The following UGT2B28 variants were observed in gnomAD, a reference collection of about 807,000 sequenced individuals.
UGT2B28 encodes UDP glucuronosyltransferase family 2 member B28.
Under a neutral mutation model 43.6 loss-of-function variants are expected in UGT2B28, and 45 were observed. That is an observed-to-expected ratio of 1.03 (90% CI 0.81 to 1.32). The LOEUF (loss-of-function observed/expected upper bound fraction) is 1.32, where lower values mean the gene tolerates loss of function less well. Among genes scored for constraint, UGT2B28 ranks in the 40% most tolerant of loss-of-function variants. UGT2B28 has a pLI of 0.00. For synonymous variants in UGT2B28, 204 were observed against 208.1 expected (o/e 0.98, Z 0.17); for missense variants, 649 against 625.5 (o/e 1.04, Z -0.40).
chr4:69,280,948 G>A lies in UGT2B28; in HGVS notation c.448G>A (p.Ala150Thr). 1 of 1,560,228 alleles carries A rather than the reference G, an allele frequency of 6.4e-7. No individual in the cohort carries two copies. Among genetic ancestry groups the A allele is most frequent in the Non-Finnish European group, 8.7e-7 (1 of 1,155,748 alleles). Reference sequence around the variant, plus strand: ...AGAGTCAAGATTTGACATCATTTTTGCAGATGCTTTTTTTCCTTGTGGTGA... The same window carrying A: ...AGAGTCAAGATTTGACATCATTTTTACAGATGCTTTTTTTCCTTGTGGTGA... ...LQESRFDIIF[A>T]DAFFPCGELL... Residue 150 changes from alanine (A) to threonine (T), a missense_variant, in exon 1 of 6, where the codon GCA (alanine) becomes ACA (threonine). Physicochemically the swap from Ala to Thr is moderately conservative, Grantham distance 58 (BLOSUM62 0). Transcript: ENST00000335568.
At position 69,280,638 on chromosome 4, in the gene UGT2B28, T is replaced by A. The variant is rs535572861; in HGVS notation, c.138T>A (p.Leu46=). The A allele has an allele frequency of 6.4e-7, 1 of 1,561,436 alleles. No homozygotes were observed. Among genetic ancestry groups the A allele is most frequent in the South Asian group, 1.2e-5 (1 of 84,448 alleles). ...ATATGAAGACAATCCTGAAAGAGCTTGTTCAGAGAGGTCATGAGGTGACTG... is the reference window on the plus strand; with the variant it reads ...ATATGAAGACAATCCTGAAAGAGCTAGTTCAGAGAGGTCATGAGGTGACTG... ...WMNMKTILKE[L]VQRGHEVTVL... The change falls in exon 1 of 6, where the codon CTT becomes CTA. Residue 46 remains leucine (L), a synonymous_variant. Coordinates refer to ENST00000335568, the MANE Select transcript of UGT2B28 (RefSeq NM_053039.2).
rs1723810569 is a variant in UGT2B28 at position 69,287,392 on chromosome 4, T to C, written c.1002+509T>C. Among the ~76,000 whole-genome samples the C allele has an allele frequency of 1.4e-5, 2 of 140,562 alleles. 1 individual carries two copies. The highest frequency in any genetic ancestry group is 3.0e-5 in the Non-Finnish European group (2 of 65,756). 92.2% of individuals were successfully genotyped at this position (140,562 alleles called of 152,430 possible). ...CCTAATCTCAGCAGTATCTAATGAG[T>C]GAAGAAGATTTGACTTACTCTTGGA... On this transcript the variant is annotated intron_variant, in intron 3 of 5. Transcript: ENST00000335568.
chr4:69,294,257 A>T (rs574527471), intron 5 of UGT2B28, among the ~76,000 whole-genome samples: 1 of 137,658 alleles, frequency 7.3e-6, no homozygotes, highest in South Asian at 2.5e-4. Context: ...AAGAATTAAA[A>T]ACAATTAAAA....
At position 69,290,092 on chromosome 4, in the gene UGT2B28, A is replaced by G. The variant is rs1388439345; in HGVS notation, c.1090+340A>G. On this transcript the variant is annotated intron_variant, in intron 4 of 5. Transcript: ENST00000335568. The stretch of plus-strand genomic sequence containing the variant: ...CTCCTGCAGGTTTATTTCAAATGCC[A>G]GTAAATATAATAGCTCTTCTATCAC... Among the ~76,000 whole-genome samples the G allele has an allele frequency of 1.4e-5, 2 of 140,100 alleles. 1 individual carries two copies. The highest frequency in any genetic ancestry group is 5.6e-5 in the African/African-American group (2 of 35,666). The allele number at this position is 140,100 out of a possible 152,430, so 91.9% of individuals were successfully genotyped here.
chr4:69,294,427 T>A (rs1724043263), intron 5 of UGT2B28, 103 bp from the exon 6 acceptor site: 1 of 1,167,306 alleles, frequency 8.6e-7, no homozygotes, highest in African/African-American at 1.8e-5. Context: ...TTCTTTCAAA[T>A]TTACTTTGAA....
rs1438834203 is a variant in UGT2B28, at chr4:69,282,621, G to C, written c.829G>C (p.Val277Leu). ...PHPFLPNIDF[V>L]GGLHCKPAKP... is the part of the protein sequence containing the mutation. ...TCCATTCTTACCAAACATTGATTTT[G>C]TTGGAGGACTCCACTGCAAACCTGC... is the stretch of plus-strand genomic sequence containing the variant. The change falls in exon 2 of 6, where the codon GTT becomes CTT. Residue 277 changes from valine (V) to leucine (L), a missense_variant. By Grantham distance (32) the Val-to-Leu change is conservative. Transcript: ENST00000335568. 7 of 1,553,534 alleles carry C rather than the reference G, an allele frequency of 4.5e-6. 1 individual carries two copies. Among genetic ancestry groups the C allele is most frequent in the Non-Finnish European group, 5.2e-6 (6 of 1,152,894 alleles).
intron 1 of UGT2B28, among the ~76,000 whole-genome samples, chr4:69,281,777 C>A (rs1723618532): frequency 7.1e-6 from 1 of 140,132 alleles, no homozygotes; most frequent in African/African-American, 2.8e-5. Flanking sequence ...TATACTCCTT[C>A]ACTAAAGAAT....
In UGT2B28 at chr4:69,281,294, C is replaced by T; in HGVS notation, c.721+73C>T. ...CTTTGAAGCAGAGCTTATATAAAGC[C>T]ATAAAGTCAGGGAAGTGGAGTTTTT... is the stretch of plus-strand genomic sequence containing the variant. On this transcript the variant is annotated intron_variant, in intron 1 of 5. Coordinates refer to ENST00000335568, the MANE Select transcript of UGT2B28 (RefSeq NM_053039.2). The T allele has an allele frequency of 2.2e-6, 3 of 1,394,066 alleles. 1 individual carries two copies. Among genetic ancestry groups the T allele is most frequent in the Admixed American group, 2.6e-5 (1 of 38,536 alleles). 86.4% of individuals were successfully genotyped at this position (1,394,066 alleles called of 1,614,324 possible). A position where few individuals can be genotyped will look rare whatever the true frequency, so the allele number is the denominator to read the frequency against.
At position 69,284,600 on chromosome 4, in the gene UGT2B28, G is replaced by A. The variant is rs1328426256; in HGVS notation, c.870+1938G>A. On this transcript the variant is annotated intron_variant, in intron 2 of 5. Transcript: ENST00000335568. ...ATTCACATTAAGGGAAACTGACAGT[G>A]CAAATTGGAGGAGGAAGAGAGTAGG... 2.1e-5 allele frequency among the ~76,000 whole-genome samples: 3 copies of A among 139,718 alleles called. 1 individual carries two copies. Among genetic ancestry groups the A allele is most frequent in the Admixed American group, 1.4e-4 (2 of 13,856 alleles). 91.7% of individuals were successfully genotyped at this position (139,718 alleles called of 152,430 possible). A position where few individuals can be genotyped will look rare whatever the true frequency, so the allele number is the denominator to read the frequency against.
chr4:69,290,709 T>C lies in UGT2B28; in HGVS notation c.1208T>C (p.Ile403Thr). The change falls in exon 5 of 6, where the codon ATT becomes ACT. Residue 403 changes from isoleucine (I) to threonine (T), a missense_variant. Physicochemically the swap from Ile to Thr is moderately conservative, Grantham distance 89. Coordinates refer to ENST00000335568, the MANE Select transcript of UGT2B28 (RefSeq NM_053039.2). ...TTGTTTTGGGATCAACCTGATAACA[T>C]TGCTCACATGAAGGCCAAGGGAGCA... ...IPLFWDQPDN[I>T]AHMKAKGAAV... 1 of 1,559,682 alleles carries C rather than the reference T, an allele frequency of 6.4e-7. No individual in the cohort carries two copies. Among genetic ancestry groups the C allele is most frequent in the South Asian group, 1.2e-5 (1 of 84,416 alleles).
At position 69,294,878 on chromosome 4, in the gene UGT2B28, A is replaced by G. The variant is rs1261371021; in HGVS notation, c.*69A>G. On this transcript the variant is annotated 3_prime_UTR_variant, in exon 6 of 6. Transcript: ENST00000335568. ...ACATCAGTTTATTCCAGCAAGAAAGAAAAGATTGTTATGCAAGATTTCTTT... is the reference window on the plus strand; with the variant it reads ...ACATCAGTTTATTCCAGCAAGAAAGGAAAGATTGTTATGCAAGATTTCTTT... 3.5e-6 allele frequency: 5 copies of G among 1,410,684 alleles called. No individual in the cohort carries two copies. Among genetic ancestry groups the G allele is most frequent in the African/African-American group, 3.3e-5 (2 of 61,006 alleles). 87.4% of individuals were successfully genotyped at this position (1,410,684 alleles called of 1,614,324 possible). A position where few individuals can be genotyped will look rare whatever the true frequency, so the allele number is the denominator to read the frequency against.
intron 2 of UGT2B28, among the ~76,000 whole-genome samples, chr4:69,285,987 C>G (rs1335122676): frequency 1.4e-5 from 2 of 140,698 alleles, no homozygotes; most frequent in Non-Finnish European, 3.0e-5. Flanking sequence ...AATAGGTGCT[C>G]CACCTAAACA....
Position 69,291,462 on chromosome 4 carries a change from T to G in UGT2B28, c.1310+651T>G, listed in dbSNP as rs1723953188. On this transcript the variant is annotated intron_variant, in intron 5 of 5. Coordinates refer to ENST00000335568, the MANE Select transcript of UGT2B28 (RefSeq NM_053039.2). ...AGTTATTCTCTCTAGATATTTCATA[T>G]AAACGGAATCGTACAGTCTCAGGTG... Among the ~76,000 whole-genome samples, 2 of 141,226 alleles carry G rather than the reference T, an allele frequency of 1.4e-5. 1 individual carries two copies. Among genetic ancestry groups the G allele is most frequent in the Admixed American group, 1.4e-4 (2 of 14,080 alleles). The allele number at this position is 141,226 out of a possible 152,430, so 92.6% of individuals were successfully genotyped here.
intron 5 of UGT2B28, among the ~76,000 whole-genome samples, chr4:69,291,877 C>G (rs1383844409): frequency 7.2e-6 from 1 of 139,822 alleles, no homozygotes; most frequent in Non-Finnish European, 1.5e-5. Flanking sequence ...GTTGTCAAAC[C>G]CCTTATTGTC....
chr4:69,291,589 C>G (rs1393743226), intron 5 of UGT2B28, among the ~76,000 whole-genome samples: 1 of 140,806 alleles, frequency 7.1e-6, no homozygotes, highest in East Asian at 2.0e-4. Flanking sequence ...TTCCTTTACA[C>G]TTGTGTAATA....
rs779882454 is a variant in UGT2B28, at chr4:69,286,799, GT to G, written c.922del (p.Ser308LeufsTer5). 11 of 1,556,768 alleles carry G rather than the reference GT, an allele frequency of 7.1e-6. 3 individuals carry two copies. The South Asian group carries it at 1.3e-4, about 18-fold the overall frequency. On this transcript the variant is annotated frameshift_variant, in exon 3 of 6. Coordinates refer to ENST00000335568, the MANE Select transcript of UGT2B28 (RefSeq NM_053039.2). LOFTEE classifies it high-confidence loss of function. The stretch of plus-strand genomic sequence containing the variant: ...GCTCTGGTGAAAATGGTGTTGTGGT[GT>G]TTTCTCTGGGGTCAGTGATAAGTAA... ...QSSGENGVVV[F>X]SLGSVISNMT...
Position 69,294,598 on chromosome 4 carries a change from C to G in UGT2B28, c.1379C>G (p.Ala460Gly). The G allele has an allele frequency of 6.4e-7, 1 of 1,556,120 alleles. No homozygotes were observed. Among genetic ancestry groups the G allele is most frequent in the Non-Finnish European group, 8.7e-7 (1 of 1,153,348 alleles). Residue 460 changes from alanine (A) to glycine (G), a missense_variant, in exon 6 of 6, where the codon GCA (alanine) becomes GGA (glycine). Coordinates refer to ENST00000335568, the MANE Select transcript of UGT2B28 (RefSeq NM_053039.2). ...HDQPVKPLHRAVFWIEFVMCH... is the reference protein window; with the variant it reads ...HDQPVKPLHRGVFWIEFVMCH... ...CAACCAGTAAAGCCCCTGCATCGAG[C>G]AGTCTTCTGGATTGAATTTGTGATG...
intron 5 of UGT2B28, among the ~76,000 whole-genome samples, chr4:69,291,759 C>A (rs1249501373): frequency 7.1e-6 from 1 of 140,384 alleles, no homozygotes; most frequent in Non-Finnish European, 1.5e-5. Flanking sequence ...ATTGCTGCCT[C>A]ATGTGAGAAC....
At chr4:69,286,984 C>A in intron 3 of UGT2B28, 101 bp downstream of exon 3, 1 of 1,472,768 alleles carries the variant, frequency 6.8e-7, no homozygotes, top group Non-Finnish European at 9.0e-7. Context: ...GAACTCTTTA[C>A]AGCCAAATAC....
Sources: allele counts gnomAD v4.1 joint callset (sites outside exome capture counted in the v4.1 genomes callset), GRCh38; gene constraint gnomAD v4.1.1; transcripts MANE v1.5; gene names NCBI Gene and HGNC (gene_info 2026-07-23, HGNC 2026-07-21).